HS6ST3: variants seen among roughly 807,000 people sequenced by gnomAD.
The protein encoded by HS6ST3 is heparan-sulfate 6-O-sulfotransferase 3.
A neutral mutation model predicts 36.7 loss-of-function variants in HS6ST3; 12 were observed. That is an observed-to-expected ratio of 0.33 (90% CI 0.21 to 0.53). The LOEUF (loss-of-function observed/expected upper bound fraction) is 0.53. Ranked by LOEUF, HS6ST3 falls within the 20% of genes least tolerant of loss-of-function variation. The pLI, the probability that HS6ST3 is intolerant of heterozygous loss-of-function variation, is 0.95. For missense variants in HS6ST3, 584 were observed against 640.9 expected, an observed-to-expected ratio of 0.91 and a Z score of 0.96; for synonymous variants, 240 against 257.5, an observed-to-expected ratio of 0.93 and a Z score of 0.65.
At chr13:96,699,288 G>T (rs1207135642) in intron 1 of HS6ST3, among the ~76,000 whole-genome samples, 1 of 152,116 alleles carries the variant, frequency 6.6e-6, no homozygotes, top group Non-Finnish European at 1.5e-5. Context: ...CACAGCAAAA[G>T]AAACTACCAT....
At chr13:96,334,945 T>G (rs2055092617) in intron 1 of HS6ST3, among the ~76,000 whole-genome samples, 1 of 152,218 alleles carries the variant, frequency 6.6e-6, no homozygotes, top group Non-Finnish European at 1.5e-5. Context: ...TGATGCTTCT[T>G]CTTAGCTCTC....
At chr13:96,291,944 C>A (rs76852056) in intron 1 of HS6ST3, among the ~76,000 whole-genome samples, 14 of 151,992 alleles carry the variant, frequency 9.2e-5, no homozygotes, top group Admixed American at 6.6e-5. Flanking sequence ...TTGTCAAACT[C>A]GTGTTCCATA....
intron 1 of HS6ST3, among the ~76,000 whole-genome samples, chr13:96,184,780 T>G (rs1423502462): frequency 6.6e-6 from 1 of 152,158 alleles, no homozygotes; most frequent in Non-Finnish European, 1.5e-5. Context: ...AACCCCCATT[T>G]ATATTCTATA....
intron 1 of HS6ST3, among the ~76,000 whole-genome samples, chr13:96,498,988 A>G (rs1419979105): frequency 6.6e-6 from 1 of 151,822 alleles, no homozygotes; most frequent in African/African-American, 2.4e-5. Flanking sequence ...AGTATGCAAC[A>G]TTCGTGACAA....
intron 1 of HS6ST3, among the ~76,000 whole-genome samples, chr13:96,283,614 G>A (rs1246834065): frequency 3.9e-5 from 6 of 152,060 alleles, no homozygotes; most frequent in Admixed American, 3.3e-4. Context: ...ACACCTGAAT[G>A]ACCAAATAAT....
At chr13:96,409,873 G>T (rs1211351054) in intron 1 of HS6ST3, among the ~76,000 whole-genome samples, 1 of 152,122 alleles carries the variant, frequency 6.6e-6, no homozygotes, top group African/African-American at 2.4e-5. Context: ...ATGAAGCGTG[G>T]TCTTAAAAGC....
chr13:96,394,123 G>GTTGTCTTAGCT (rs1309413028), intron 1 of HS6ST3, among the ~76,000 whole-genome samples: 2 of 152,132 alleles, frequency 1.3e-5, no homozygotes, highest in African/African-American at 4.8e-5. Flanking sequence ...TAGCCTTTGT[G>GTTGTCTTAGCT]TTCTCTTAGC....
At chr13:96,395,785 C>G (rs1218190200) in intron 1 of HS6ST3, among the ~76,000 whole-genome samples, 1 of 151,952 alleles carries the variant, frequency 6.6e-6, no homozygotes, top group Non-Finnish European at 1.5e-5. Context: ...TGCACACTGC[C>G]TTGGGCATAG....
Position 96,141,652 on chromosome 13 carries a change from A to G in HS6ST3, c.707+50083A>G, listed in dbSNP as rs561145058. Among the ~76,000 whole-genome samples the G allele has an allele frequency of 6.6e-5, 10 of 152,168 alleles. No individual in the cohort carries two copies. In the South Asian group the frequency reaches 2.1e-3, roughly 32 times the overall value. On this transcript the variant is annotated intron_variant, in intron 1 of 1. Transcript: ENST00000376705. ...GTGACTGTCTTTTAAATTTCTTTTG[A>G]TATTGGGCAGTGCCCCTGGCTACCC...
At chr13:96,819,081 G>C (rs1328461105) in intron 1 of HS6ST3, among the ~76,000 whole-genome samples, 6 of 152,332 alleles carry the variant, frequency 3.9e-5, no homozygotes, top group Non-Finnish European at 7.3e-5. Flanking sequence ...TTGAAAACTA[G>C]TAAGTAAAAT....
chr13:96,826,417 A>AT (rs528262044), intron 1 of HS6ST3, among the ~76,000 whole-genome samples: 26 of 151,796 alleles, frequency 1.7e-4, no homozygotes, highest in Non-Finnish European at 2.7e-4. Context: ...TTACATAGCA[A>AT]TTTTTTTTTA....
rs374222128 is a variant in HS6ST3 at position 96,610,855 on chromosome 13, A to G, written c.708-221635A>G. On this transcript the variant is annotated intron_variant, in intron 1 of 1. Transcript: ENST00000376705. ...TTTGTAGCTGTGCTGAAAAAAATGA[A>G]AAAAAAAAACAAAAAACAAAACAAC... Among the ~76,000 whole-genome samples, 256 of 150,536 alleles carry G rather than the reference A, an allele frequency of 1.7e-3. 7 individuals carry two copies. The South Asian group carries it at 0.051, about 30-fold the overall frequency.
chr13:96,372,897 T>C (rs2055296704), intron 1 of HS6ST3, among the ~76,000 whole-genome samples: 1 of 152,188 alleles, frequency 6.6e-6, no homozygotes, highest in African/African-American at 2.4e-5. Context: ...GTATTGAACT[T>C]ACCCTTTTGT....
chr13:96,400,308 T>C (rs1047288145), intron 1 of HS6ST3, among the ~76,000 whole-genome samples: 17 of 142,564 alleles, frequency 1.2e-4, no homozygotes, highest in African/African-American at 4.2e-4. Flanking sequence ...GACACACAGA[T>C]ACACACACAC....
At chr13:96,678,686 A>C (rs951493845) in intron 1 of HS6ST3, among the ~76,000 whole-genome samples, 3 of 152,102 alleles carry the variant, frequency 2.0e-5, no homozygotes, top group African/African-American at 4.8e-5. Flanking sequence ...TATCTAAAAA[A>C]AAAACAAAAC....
intron 1 of HS6ST3, among the ~76,000 whole-genome samples, chr13:96,805,729 G>T (rs1467012416): frequency 6.6e-6 from 1 of 152,186 alleles, no homozygotes; most frequent in African/African-American, 2.4e-5. Flanking sequence ...AAAGGAAATA[G>T]AATATGGAGC....
intron 1 of HS6ST3, among the ~76,000 whole-genome samples, chr13:96,120,399 T>A (rs2053919596): frequency 6.6e-6 from 1 of 152,264 alleles, no homozygotes; most frequent in Non-Finnish European, 1.5e-5. Context: ...TCTTGACTAT[T>A]TTAAGGCAAG....
At chr13:96,788,460 G>A (rs1877706559) in intron 1 of HS6ST3, among the ~76,000 whole-genome samples, 1 of 151,702 alleles carries the variant, frequency 6.6e-6, no homozygotes, top group African/African-American at 2.4e-5. Context: ...GATCTATCAG[G>A]CCACTTATTA....
intron 1 of HS6ST3, among the ~76,000 whole-genome samples, chr13:96,329,209 C>A (rs942818805): frequency 1.6e-4 from 24 of 146,602 alleles, no homozygotes; most frequent in Non-Finnish European, 2.8e-4. Context: ...TTAGTTATTT[C>A]TTGCCTTCTG....
Sources: allele counts gnomAD v4.1 joint callset (sites outside exome capture counted in the v4.1 genomes callset), GRCh38; gene constraint gnomAD v4.1.1; transcripts MANE v1.5; gene names NCBI Gene and HGNC (gene_info 2026-07-23, HGNC 2026-07-21).